TMEM132D: variants seen among roughly 807,000 people sequenced by gnomAD.
TMEM132D encodes mature OL transmembrane protein.
TMEM132D carries 21 observed loss-of-function variants against 62.3 expected under a neutral mutation model. The ratio of observed to expected loss-of-function variants is 0.34; its 90% CI spans 0.24 to 0.49. The LOEUF is 0.49. Ranked by LOEUF, TMEM132D falls within the 20% of genes least tolerant of loss-of-function variation. TMEM132D has a pLI of 0.99. For missense variants in TMEM132D, 1,346 were observed against 1,402.8 expected (o/e 0.96, Z 0.65); for synonymous variants, 621 against 575.6 (o/e 1.08, Z -1.13).
chr12:129,103,400 G>A (rs79289697), intron 5 of TMEM132D, among the ~76,000 whole-genome samples: 2,142 of 152,266 alleles, frequency 0.014, 47 homozygotes, highest in African/African-American at 0.048. Flanking sequence ...CCCCCACCTC[G>A]GAGGCCTGGC....
chr12:129,244,346 A>C (rs968635262), intron 4 of TMEM132D, among the ~76,000 whole-genome samples: 6 of 146,080 alleles, frequency 4.1e-5, no homozygotes, highest in Non-Finnish European at 6.0e-5. Flanking sequence ...AGATCGCGCC[A>C]CTGCACTCCA....
At chr12:129,683,712 C>T (rs1008326702) in intron 2 of TMEM132D, among the ~76,000 whole-genome samples, 2 of 152,198 alleles carry the variant, frequency 1.3e-5, no homozygotes, top group African/African-American at 4.8e-5. Context: ...CCCAACCCCT[C>T]ACCAACCCAG....
intron 5 of TMEM132D, among the ~76,000 whole-genome samples, chr12:129,094,567 C>G (rs1012729976): frequency 1.1e-4 from 17 of 152,292 alleles, no homozygotes; most frequent in African/African-American, 2.4e-4. Context: ...AATAGGAACA[C>G]TTTTACACTG....
At chr12:129,569,425 T>G (rs1389074110) in intron 2 of TMEM132D, among the ~76,000 whole-genome samples, 1 of 152,174 alleles carries the variant, frequency 6.6e-6, no homozygotes, top group Admixed American at 6.5e-5. Flanking sequence ...TTAGCAAGTA[T>G]GTAAGTGCCA....
At chr12:129,845,922 C>T (rs767205470) in intron 1 of TMEM132D, among the ~76,000 whole-genome samples, 1 of 152,202 alleles carries the variant, frequency 6.6e-6, no homozygotes, top group African/African-American at 2.4e-5. Flanking sequence ...CTTTTAATTA[C>T]ATGCAAATTA....
chr12:129,525,158 T>C (rs1005394342), intron 3 of TMEM132D, among the ~76,000 whole-genome samples: 9 of 149,012 alleles, frequency 6.0e-5, no homozygotes, highest in Admixed American at 2.0e-4. Context: ...ATCTCCTGAC[T>C]TCGTGATCTG....
At chr12:129,835,999 A>G (rs921412036) in intron 1 of TMEM132D, among the ~76,000 whole-genome samples, 11 of 152,258 alleles carry the variant, frequency 7.2e-5, no homozygotes, top group Non-Finnish European at 1.5e-5. Flanking sequence ...TGTACTAAAC[A>G]TATAACTGAA....
chr12:129,678,729 C>G (rs1251796152), intron 2 of TMEM132D, among the ~76,000 whole-genome samples: 3 of 151,948 alleles, frequency 2.0e-5, no homozygotes, highest in Non-Finnish European at 1.5e-5. Context: ...TAAAGATATC[C>G]TTTGGTATTT....
chr12:129,182,234 C>A (rs1457400514), intron 5 of TMEM132D, among the ~76,000 whole-genome samples: 2 of 152,144 alleles, frequency 1.3e-5, no homozygotes, highest in Non-Finnish European at 2.9e-5. Flanking sequence ...TGCAGTGGTG[C>A]ACACCTATAA....
chr12:129,195,196 G>A (rs947118284), intron 5 of TMEM132D, among the ~76,000 whole-genome samples: 3 of 152,128 alleles, frequency 2.0e-5, no homozygotes, highest in Middle Eastern at 3.2e-3. Flanking sequence ...GACAGTGAGG[G>A]GGAGCTGTGT....
At chr12:129,680,198 C>T (rs1451715740) in intron 2 of TMEM132D, among the ~76,000 whole-genome samples, 8 of 152,154 alleles carry the variant, frequency 5.3e-5, no homozygotes, top group African/African-American at 1.7e-4. Context: ...ATATTTCTTC[C>T]ACGCGCTTGG....
At chr12:129,525,382 A>T (rs1875998821) in intron 3 of TMEM132D, among the ~76,000 whole-genome samples, 1 of 151,776 alleles carries the variant, frequency 6.6e-6, no homozygotes, top group African/African-American at 2.4e-5. Flanking sequence ...TCTAAATTTA[A>T]ACATAATGGG....
intron 5 of TMEM132D, among the ~76,000 whole-genome samples, chr12:129,141,173 A>G (rs1391216798): frequency 6.6e-6 from 1 of 152,196 alleles, no homozygotes; most frequent in African/African-American, 2.4e-5. Context: ...TGCTACCACA[A>G]GAAAGTTGAT....
chr12:129,434,930 A>G (rs2135718199), intron 3 of TMEM132D, among the ~76,000 whole-genome samples: 1 of 152,166 alleles, frequency 6.6e-6, no homozygotes, highest in African/African-American at 2.4e-5. Context: ...TCTTACTGTA[A>G]CTTTGTATTC....
intron 4 of TMEM132D, among the ~76,000 whole-genome samples, chr12:129,325,214 T>G (rs1224214144): frequency 6.6e-6 from 1 of 152,204 alleles, no homozygotes; most frequent in Non-Finnish European, 1.5e-5. Flanking sequence ...AAACACAGCA[T>G]GAACACAACT....
At chr12:129,443,332 T>G (rs910866491) in intron 3 of TMEM132D, among the ~76,000 whole-genome samples, 11 of 152,202 alleles carry the variant, frequency 7.2e-5, no homozygotes, top group Admixed American at 5.2e-4. Context: ...TCAAGGTCTA[T>G]GTCAATCTCT....
At chr12:129,315,605 C>G (rs1868461244) in intron 4 of TMEM132D, among the ~76,000 whole-genome samples, 1 of 152,046 alleles carries the variant, frequency 6.6e-6, no homozygotes, top group Non-Finnish European at 1.5e-5. Flanking sequence ...CTGTAGTTTT[C>G]TTTTTTGGTT....
chr12:129,236,569 T>G (rs1453616425), intron 4 of TMEM132D, among the ~76,000 whole-genome samples: 2 of 151,576 alleles, frequency 1.3e-5, no homozygotes, highest in Non-Finnish European at 1.5e-5. Context: ...GGCTTTTGTA[T>G]GTTAATTTTG....
Position 129,424,565 on chromosome 12 carries a change from G to A in TMEM132D, c.1116-86748C>T, listed in dbSNP as rs972289294. On this transcript the variant is annotated intron_variant, in intron 3 of 8. Transcript: ENST00000422113. Reference sequence around the variant, plus strand: ...TATTAAAAATACAAAAAAATTAGCCGGGCGTGGTGGTGGGCACCTGTAGTC... The same window carrying A: ...TATTAAAAATACAAAAAAATTAGCCAGGCGTGGTGGTGGGCACCTGTAGTC... 4.0e-5 allele frequency among the ~76,000 whole-genome samples: 6 copies of A among 151,798 alleles called. No homozygotes were observed. In the South Asian group the frequency reaches 8.4e-4, roughly 21 times the overall value.
Sources: allele counts gnomAD v4.1 joint callset (sites outside exome capture counted in the v4.1 genomes callset), GRCh38; gene constraint gnomAD v4.1.1; transcripts MANE v1.5; gene names NCBI Gene and HGNC (gene_info 2026-07-23, HGNC 2026-07-21).